NEBL: variants seen among roughly 807,000 people sequenced by gnomAD.
NEBL encodes the protein nebulette, also known as LIM and SH3 protein 2.
In NEBL, 122 loss-of-function variants were observed where a neutral mutation model predicts 140.2. The observed-to-expected ratio is 0.87, with a 90% CI of 0.75 to 1.01. NEBL has a LOEUF of 1.01. NEBL is among the 50% of genes least tolerant of loss of function. NEBL has a pLI of 0.00. For synonymous variants in NEBL, 436 were observed against 398.9 expected (o/e 1.09, Z -1.11); for missense variants, 1,365 against 1,231.3 (o/e 1.11, Z -1.62).
At chr10:21,233,213 AAATTTTGT>A (rs2132256546) in intron 3 of NEBL, among the ~76,000 whole-genome samples, 1 of 152,206 alleles carries the variant, frequency 6.6e-6, no homozygotes, top group Non-Finnish European at 1.5e-5. Context: ...GGCACTCGCT[AAATTTTGT>A]ATTTATTGTA....
At chr10:21,020,344 C>T (rs1838738000) in intron 2 of NEBL, 1 of 722,458 alleles carries the variant, frequency 1.4e-6, no homozygotes, top group East Asian at 2.7e-5. Flanking sequence ...GGTCATCTCT[C>T]TGTCATTATT....
At chr10:20,948,560 T>G (rs953752593) in intron 4 of NEBL, among the ~76,000 whole-genome samples, 15 of 152,054 alleles carry the variant, frequency 9.9e-5, no homozygotes, top group African/African-American at 2.7e-4. Context: ...GGCACAGGGG[T>G]GGACAAGAAC....
chr10:20,850,356 A>C, intron 11 of NEBL, 39 bp downstream of exon 11: 1 of 1,438,614 alleles, frequency 7.0e-7, no homozygotes, highest in South Asian at 1.1e-5. Flanking sequence ...AAAACATCAA[A>C]TTTACATTAA....
chr10:20,868,684 C>A lies in NEBL; in HGVS notation c.664G>T (p.Ala222Ser), dbSNP rs763573034. Residue 222 changes from alanine to serine, a missense_variant, in exon 7 of 28, where the codon GCT (alanine) becomes TCT (serine). Physicochemically the swap from Ala to Ser is moderately conservative, Grantham distance 99. Around this residue, in one of 2 missense-constraint regions of NEBL, gnomAD observed 1,323 missense variants for 1,154.8 expected, o/e 1.15. Coordinates refer to ENST00000377122, the MANE Select transcript of NEBL (RefSeq NM_006393.3). Reference protein sequence around the residue: ...GRPDFEHAVEASKLSSQIKYK... With the variant: ...GRPDFEHAVESSKLSSQIKYK... ...CTTACTTGACTAGAAAGTTTAGAAG[C>A]TTCCACGGCATGTTCAAAATCTGGT... The A allele has an allele frequency of 1.9e-6, 3 of 1,610,288 alleles. No homozygotes were observed. Among genetic ancestry groups the A allele is most frequent in the East Asian group, 4.5e-5 (2 of 44,776 alleles).
At chr10:21,001,363 G>A (rs963022800) in intron 3 of NEBL, among the ~76,000 whole-genome samples, 1 of 152,154 alleles carries the variant, frequency 6.6e-6, no homozygotes, top group African/African-American at 2.4e-5. Context: ...GAGAATCCAG[G>A]GAGGTGGAAC....
At chr10:20,925,499 C>T (rs956649587) in intron 4 of NEBL, among the ~76,000 whole-genome samples, 8 of 152,104 alleles carry the variant, frequency 5.3e-5, no homozygotes, top group South Asian at 2.1e-4. Flanking sequence ...TTTCCCAAAG[C>T]GTCCACCCTC....
intron 3 of NEBL, among the ~76,000 whole-genome samples, chr10:20,969,069 A>G (rs927631857): frequency 1.3e-5 from 2 of 152,216 alleles, no homozygotes; most frequent in African/African-American, 2.4e-5. Context: ...ATTGATTACT[A>G]TCTAGTTTTG....
At position 20,780,934 on chromosome 10, in the gene NEBL, T is replaced by C. The variant is rs1474821559; in HGVS notation, c.*4813A>G. The C allele has an allele frequency of 6.6e-6, 1 of 152,208 alleles. No homozygotes were observed. The highest frequency in any genetic ancestry group is 1.5e-5 in the Non-Finnish European group (1 of 68,030). The allele number at this position is 152,208 out of a possible 1,614,324, so 9.4% of individuals were successfully genotyped here. A position where few individuals can be genotyped will look rare whatever the true frequency, so the allele number is the denominator to read the frequency against. ...AATGATTAGGGTAGCCTTGAAGGGT[T>C]TGTGAGTGACTGTACTATACAATGT... On this transcript the variant is annotated 3_prime_UTR_variant, in exon 28 of 28. Transcript: ENST00000377122.
chr10:20,825,833 C>T (rs1446645227), intron 18 of NEBL, among the ~76,000 whole-genome samples: 1 of 152,086 alleles, frequency 6.6e-6, no homozygotes, highest in Non-Finnish European at 1.5e-5. Flanking sequence ...AGGACCCCTC[C>T]CCCCAGTCTA....
chr10:20,940,866 A>C (rs1289943568), intron 4 of NEBL, among the ~76,000 whole-genome samples: 1 of 152,078 alleles, frequency 6.6e-6, no homozygotes, highest in African/African-American at 2.4e-5. Flanking sequence ...AACACATACA[A>C]ACTCCCAAGA....
rs189571919 is a variant in NEBL, at chr10:21,258,835, C to T, written n.183-7007G>A. 1.1e-4 allele frequency among the ~76,000 whole-genome samples: 17 copies of T among 152,254 alleles called. No homozygotes were observed. The South Asian group carries it at 2.1e-3, about 19-fold the overall frequency. On this transcript the variant is annotated intron_variant and non_coding_transcript_variant, in intron 1 of 8. Coordinates refer to the NEBL transcript ENST00000675702. ...CAGAGGTTGCAATGAGCCGAGATCA[C>T]GGCCACTGCACTCTGGCCTGGGCTG... is the stretch of plus-strand genomic sequence containing the variant.
chr10:21,093,077 C>T (rs1402130119), intron 2 of NEBL, among the ~76,000 whole-genome samples: 1 of 146,596 alleles, frequency 6.8e-6, no homozygotes, highest in East Asian at 2.0e-4. Context: ...TTGTTCTTGG[C>T]TTCTTGCGTA....
In NEBL at chr10:20,896,483, CATATATATATATAT is replaced by C. The variant is rs57289458; in HGVS notation, c.153+461_153+474del. Among the ~76,000 whole-genome samples the C allele has an allele frequency of 4.7e-4, 41 of 88,086 alleles. 2 individuals are homozygous for C. The highest frequency in any genetic ancestry group is 3.4e-3 in the East Asian group (13 of 3,834). The allele number at this position is 88,086 out of a possible 152,430, so 57.8% of individuals were successfully genotyped here. On this transcript the variant is annotated intron_variant, in intron 2 of 27. Transcript: ENST00000377122. The stretch of plus-strand genomic sequence containing the variant: ...CTGAATTGTAAATAAATATTATATG[CATATATATATATAT>C]ATATATATATATATATATATGCATT...
At chr10:21,259,000 G>T (rs1024893548) in intron 1 of NEBL, among the ~76,000 whole-genome samples, 2 of 151,946 alleles carry the variant, frequency 1.3e-5, no homozygotes, top group Non-Finnish European at 2.9e-5. Context: ...TACAGATGAC[G>T]AAAGTGAAGG....
At chr10:21,071,494 G>A (rs1432190311) in intron 2 of NEBL, among the ~76,000 whole-genome samples, 1 of 152,104 alleles carries the variant, frequency 6.6e-6, no homozygotes, top group African/African-American at 2.4e-5. Context: ...TCTGCAAAAT[G>A]GGACATCTGG....
Position 21,161,852 on chromosome 10 carries a change from A to G in NEBL, c.164+10531T>C, listed in dbSNP as rs547901705. ...CCTTTGTCCCTGGTTCCTGGGAGGC[A>G]TACTCTAAATACTTGAAATTTCCCA... On this transcript the variant is annotated intron_variant, in intron 2 of 6. Transcript: ENST00000417816. Among the ~76,000 whole-genome samples, 10 of 152,312 alleles carry G rather than the reference A, an allele frequency of 6.6e-5. No homozygotes were observed. In the South Asian group the frequency reaches 1.2e-3, roughly 19 times the overall value.
At chr10:20,869,211 G>A (rs1171011419) in intron 6 of NEBL, among the ~76,000 whole-genome samples, 3 of 152,120 alleles carry the variant, frequency 2.0e-5, no homozygotes, top group Non-Finnish European at 4.4e-5. Context: ...AAAATTTTTG[G>A]TTCAAGTTAA....
intron 8 of NEBL, among the ~76,000 whole-genome samples, 188 bp from the exon 9 acceptor site, chr10:20,858,532 C>T (rs1187204177): frequency 6.6e-6 from 1 of 152,124 alleles, no homozygotes; most frequent in South Asian, 2.1e-4. Context: ...TCTATATGGG[C>T]TTGAGAATAC....
chr10:21,143,338 A>C (rs2132104015), intron 2 of NEBL, among the ~76,000 whole-genome samples: 1 of 150,220 alleles, frequency 6.7e-6, no homozygotes, highest in East Asian at 2.0e-4. Context: ...AATCCCAGCT[A>C]CTTGGGAGGC....
Sources: gnomAD v4.1 joint callset for allele counts (sites outside exome capture counted in the v4.1 genomes callset) on GRCh38, gnomAD v4.1.1 for gene constraint, gnomAD v4.1.1 regional missense constraint, MANE v1.5 for transcripts, NCBI Gene and HGNC (gene_info 2026-07-23, HGNC 2026-07-21) for gene names.